The following RALGAPA2 variants were observed in gnomAD, a reference collection of about 807,000 sequenced individuals.
RALGAPA2 encodes Ral GTPase activating protein catalytic subunit alpha 2, also known as ral GTPase-activating protein subunit alpha-2.
Under a neutral mutation model 230.4 loss-of-function variants are expected in RALGAPA2, and 139 were observed. The observed-to-expected ratio is 0.60, with a 90% CI of 0.53 to 0.69. The LOEUF is 0.69. Ranked by LOEUF, RALGAPA2 falls within the 30% of genes least tolerant of loss-of-function variation. The pLI, the probability that RALGAPA2 is intolerant of heterozygous loss-of-function variation, is 0.00. For synonymous variants in RALGAPA2, 847 were observed against 837.8 expected (o/e 1.01, Z -0.19); for missense variants, 2,163 against 2,276.0 (o/e 0.95, Z 1.01).
chr20:20,645,956 A>AAT (rs900472331), intron 4 of RALGAPA2, among the ~76,000 whole-genome samples: 6 of 128,678 alleles, frequency 4.7e-5, no homozygotes, highest in Non-Finnish European at 8.1e-5. Flanking sequence ...TTTTAATAAT[A>AAT]AAAAAAAAAA....
At chr20:20,671,901 A>T (rs1234416327) in intron 3 of RALGAPA2, among the ~76,000 whole-genome samples, 1 of 152,226 alleles carries the variant, frequency 6.6e-6, no homozygotes, top group Non-Finnish European at 1.5e-5. Flanking sequence ...CAGAGAAACT[A>T]ACAAGGGACT....
intron 3 of RALGAPA2, among the ~76,000 whole-genome samples, chr20:20,671,893 G>C (rs564371764): frequency 1.6e-4 from 25 of 152,256 alleles, no homozygotes; most frequent in African/African-American, 5.8e-4. Context: ...GAAGAACACA[G>C]AGAAACTAAC....
chr20:20,511,814 T>A (rs1156591518), intron 32 of RALGAPA2, among the ~76,000 whole-genome samples: 1 of 152,234 alleles, frequency 6.6e-6, no homozygotes, highest in Non-Finnish European at 1.5e-5. Context: ...AGACCTAAGG[T>A]TAGACTGTGG....
In RALGAPA2 at chr20:20,430,844, C is replaced by T. The variant is rs144870059; in HGVS notation, c.5496-18696G>A. Among the ~76,000 whole-genome samples the T allele has an allele frequency of 3.9e-5, 6 of 152,148 alleles. No individual in the cohort carries two copies. In the South Asian group the frequency reaches 8.3e-4, roughly 21 times the overall value. ...CCAAAGGTTAAGGACAGTACATGAG[C>T]GAGAGAACTTTTTAAATGCCTCTAT... On this transcript the variant is annotated intron_variant, in intron 37 of 39. Coordinates refer to ENST00000202677, the MANE Select transcript of RALGAPA2 (RefSeq NM_020343.4).
chr20:20,465,897 G>A (rs2061411189), intron 37 of RALGAPA2, among the ~76,000 whole-genome samples: 1 of 152,238 alleles, frequency 6.6e-6, no homozygotes, highest in South Asian at 2.1e-4. Context: ...TAACTCCACA[G>A]TTAGGTGGTT....
chr20:20,700,400 C>A (rs2069304872), intron 1 of RALGAPA2, among the ~76,000 whole-genome samples: 1 of 152,114 alleles, frequency 6.6e-6, no homozygotes, highest in African/African-American at 2.4e-5. Context: ...ATCTCAGCAT[C>A]ACACAACATA....
intron 3 of RALGAPA2, among the ~76,000 whole-genome samples, chr20:20,660,476 G>A (rs2067738178): frequency 6.6e-6 from 1 of 151,740 alleles, no homozygotes; most frequent in Non-Finnish European, 1.5e-5. Context: ...ACAAATATGA[G>A]AATTGCAGAG....
chr20:20,441,376 G>A (rs2060735357), intron 37 of RALGAPA2, among the ~76,000 whole-genome samples: 1 of 152,230 alleles, frequency 6.6e-6, no homozygotes, highest in Non-Finnish European at 1.5e-5. Flanking sequence ...AGGTGACCGG[G>A]ATGAGGTGAG....
intron 28 of RALGAPA2, 129 bp downstream of exon 28, chr20:20,526,123 A>G (rs2063193978): frequency 2.7e-6 from 2 of 750,308 alleles, no homozygotes; most frequent in Non-Finnish European, 4.2e-6. Context: ...CTTAATCTTA[A>G]AACGAGTGAC....
chr20:20,505,373 T>C (rs531347851), intron 34 of RALGAPA2, 38 bp downstream of exon 34: 7 of 1,563,542 alleles, frequency 4.5e-6, no homozygotes, highest in Non-Finnish European at 6.1e-6. Context: ...CTTTAAACAG[T>C]GCTGGTCAAT....
intron 9 of RALGAPA2, among the ~76,000 whole-genome samples, chr20:20,634,294 G>C (rs2066782523): frequency 6.6e-6 from 1 of 151,926 alleles, no homozygotes; most frequent in South Asian, 2.1e-4. Context: ...TAAGTTTTTA[G>C]TCACTGTCAT....
chr20:20,489,530 G>A (rs1305373170), intron 36 of RALGAPA2, among the ~76,000 whole-genome samples: 1 of 149,878 alleles, frequency 6.7e-6, no homozygotes, highest in Non-Finnish European at 1.5e-5. Flanking sequence ...AAGCAGTCCA[G>A]TAATCAGTGA....
At chr20:20,655,052 G>C (rs2067540988) in intron 3 of RALGAPA2, among the ~76,000 whole-genome samples, 1 of 151,908 alleles carries the variant, frequency 6.6e-6, no homozygotes, top group Admixed American at 6.6e-5. Context: ...GTATTCTTTT[G>C]AGAAAGTCTA....
chr20:20,524,710 T>C (rs2063148415), intron 29 of RALGAPA2, 120 bp downstream of exon 29: 13 of 1,289,244 alleles, frequency 1.0e-5, no homozygotes, highest in African/African-American at 1.5e-5. Flanking sequence ...CAAAAAAGAC[T>C]GTTAAGGCCA....
At chr20:20,616,573 G>C (rs958951698) in intron 12 of RALGAPA2, among the ~76,000 whole-genome samples, 4 of 152,164 alleles carry the variant, frequency 2.6e-5, no homozygotes, top group African/African-American at 7.2e-5. Context: ...ACTGTAGAGG[G>C]GGAATGGGAG....
intron 20 of RALGAPA2, among the ~76,000 whole-genome samples, chr20:20,580,084 A>T (rs1040639456): frequency 3.9e-5 from 6 of 152,200 alleles, no homozygotes; most frequent in Non-Finnish European, 8.8e-5. Context: ...AGAGCATCTA[A>T]ATCAGTATTT....
intron 14 of RALGAPA2, among the ~76,000 whole-genome samples, chr20:20,609,400 GT>G (rs1326903752): frequency 6.6e-6 from 1 of 152,138 alleles, no homozygotes; most frequent in Non-Finnish European, 1.5e-5. Context: ...TCAAAACTAA[GT>G]TTCAGGGAAG....
At chr20:20,459,425 CTT>C (rs11476592) in intron 37 of RALGAPA2, among the ~76,000 whole-genome samples, 29 of 129,530 alleles carry the variant, frequency 2.2e-4, no homozygotes, top group African/African-American at 3.9e-4. Context: ...GGTTTTTTTG[CTT>C]TTTTTTTTTT....
Position 20,712,568 on chromosome 20 carries a change from T to G in RALGAPA2, c.-88A>C. 1 of 1,306,414 alleles carries G rather than the reference T, an allele frequency of 7.7e-7. No individual in the cohort carries two copies. Among genetic ancestry groups the G allele is most frequent in the Non-Finnish European group, 9.7e-7 (1 of 1,027,232 alleles). 80.9% of individuals were successfully genotyped at this position (1,306,414 alleles called of 1,614,324 possible). A position where few individuals can be genotyped will look rare whatever the true frequency, so the allele number is the denominator to read the frequency against. ...AGCATAGGGTCGAGGCCGGCGCGTG[T>G]CGCGCGGGCCACTCGCCGCCCCCAG... On this transcript the variant is annotated 5_prime_UTR_variant, in exon 1 of 40. Transcript: ENST00000202677. The surrounding 1 kb of genome is among the most constrained non-coding windows in gnomAD (Gnocchi z 5.5).
Sources: allele counts gnomAD v4.1 joint callset (sites outside exome capture counted in the v4.1 genomes callset), GRCh38; gene constraint gnomAD v4.1.1; non-coding constraint Gnocchi (gnomAD v3.1); transcripts MANE v1.5; gene names NCBI Gene and HGNC (gene_info 2026-07-23, HGNC 2026-07-21).